GUF1: variants seen among roughly 807,000 people sequenced by gnomAD.
GUF1 encodes the protein translation factor GUF1, mitochondrial.
GUF1 carries 78 observed loss-of-function variants against 82.4 expected under a neutral mutation model. The ratio of observed to expected loss-of-function variants is 0.95; its 90% CI spans 0.79 to 1.14. The LOEUF is 1.14. Among genes scored for constraint, GUF1 ranks in the 50% most tolerant of loss-of-function variants. The pLI is 0.00. For synonymous variants in GUF1, 279 were observed against 282.3 expected, an observed-to-expected ratio of 0.99 and a Z score of 0.12; for missense variants, 814 against 798.2, an observed-to-expected ratio of 1.02 and a Z score of -0.24.
intron 13 of GUF1, among the ~76,000 whole-genome samples, chr4:44,693,506 A>G (rs1288471808): frequency 3.2e-5 from 3 of 93,004 alleles, no homozygotes; most frequent in African/African-American, 1.2e-4. Context: ...TGCTTCCTGA[A>G]GAAAGAAAGG....
chr4:44,693,007 G>A (rs1266939768), intron 13 of GUF1, among the ~76,000 whole-genome samples: 2 of 151,904 alleles, frequency 1.3e-5, no homozygotes, highest in African/African-American at 4.8e-5. Context: ...TTTAATGAGA[G>A]AACATGATTT....
chr4:44,690,984 T>C (rs1715402730), intron 12 of GUF1, 124 bp downstream of exon 12: 1 of 508,198 alleles, frequency 2.0e-6, no homozygotes, highest in African/African-American at 2.0e-5. Context: ...TTTTCATATA[T>C]ATATCTGTCT....
At chr4:44,687,901 A>AAGTTTGGAAAGTGTATGAT in intron 8 of GUF1, 106 bp from the exon 9 acceptor site, 1 of 948,416 alleles carries the variant, frequency 1.1e-6, no homozygotes, top group Non-Finnish European at 1.6e-6. Context: ...AGTGTATGGA[A>AAGTTTGGAAAGTGTATGAT]AGTTTGGAAA....
chr4:44,698,439 T>C (rs1314468940), intron 16 of GUF1, 105 bp from the exon 17 acceptor site: 7 of 812,164 alleles, frequency 8.6e-6, no homozygotes, highest in Non-Finnish European at 1.4e-5. Context: ...GCCTTATGGA[T>C]AATAATTTGG....
chr4:44,698,858 T>G lies in GUF1; in HGVS notation c.*177T>G. On this transcript the variant is annotated 3_prime_UTR_variant, in exon 17 of 17. Transcript: ENST00000281543. ...GCTTAGATTTTGAAGCCATGTTGCC[T>G]GTTCTCAAATATCTGTTCCAACCAC... 1 of 567,590 alleles carries G rather than the reference T, an allele frequency of 1.8e-6. No homozygotes were observed. The highest frequency in any genetic ancestry group is 2.2e-5 in the South Asian group (1 of 45,066). The allele number at this position is 567,590 out of a possible 1,614,324, so 35.2% of individuals were successfully genotyped here. A position where few individuals can be genotyped will look rare whatever the true frequency, so the allele number is the denominator to read the frequency against.
chr4:44,687,251 G>A lies in GUF1; in HGVS notation c.938+538G>A, dbSNP rs368844809. Among the ~76,000 whole-genome samples the A allele has an allele frequency of 1.3e-3, 194 of 151,954 alleles. 5 individuals carry two copies. The South Asian group carries it at 0.037, about 29-fold the overall frequency. On this transcript the variant is annotated intron_variant, in intron 8 of 16. Transcript: ENST00000281543. ...AGGTACTGATGAGGCATGACCTTGG[G>A]TACATAATTTGAGCTTTGTAAGGTC...
rs1715059542 is a variant in GUF1, at chr4:44,686,509, G to C, written c.735-1G>C. ...ATTTACTTTTTACTTATATTTACTA[G>C]TCCTAAAGTGCATCGCAAAAATCCT... On this transcript the variant is annotated splice_acceptor_variant, in intron 7 of 16. Coordinates refer to ENST00000281543, the MANE Select transcript of GUF1 (RefSeq NM_021927.3). LOFTEE classifies it high-confidence loss of function. The C allele has an allele frequency of 1.3e-6, 2 of 1,599,822 alleles. No individual in the cohort carries two copies. The highest frequency in any genetic ancestry group is 1.7e-6 in the Non-Finnish European group (2 of 1,168,196).
chr4:44,679,074 TATTTA>T (rs1329934358), intron 1 of GUF1, among the ~76,000 whole-genome samples: 7 of 152,244 alleles, frequency 4.6e-5, no homozygotes, highest in African/African-American at 1.4e-4. Context: ...TTTATTCATC[TATTTA>T]ATTCTAAAAA....
In GUF1 at chr4:44,678,667, C is replaced by G. The variant is rs772586241; in HGVS notation, c.45C>G (p.Leu15=). The G allele has an allele frequency of 7.4e-6, 11 of 1,490,930 alleles. No individual in the cohort carries two copies. Among genetic ancestry groups the G allele is most frequent in the Non-Finnish European group, 9.7e-6 (11 of 1,134,504 alleles). The allele number at this position is 1,490,930 out of a possible 1,614,324, so 92.4% of individuals were successfully genotyped here. ...VGRGWGCARA[L]APRATGAALL... is the part of the protein sequence containing the mutation. ...GGGGCTGGGGGTGCGCACGCGCTCT[C>G]GCGCCACGAGCCACTGGGGCCGCGC... Residue 15 remains leucine, a synonymous_variant, in exon 1 of 17, where the codon CTC becomes CTG. Coordinates refer to ENST00000281543, the MANE Select transcript of GUF1 (RefSeq NM_021927.3).
At chr4:44,697,362 C>T in intron 15 of GUF1, 46 bp from the exon 16 acceptor site, 1 of 1,196,652 alleles carries the variant, frequency 8.4e-7, no homozygotes, top group Non-Finnish European at 1.2e-6. Context: ...TGCTTTTAAA[C>T]AGTATAATGG....
In GUF1 at chr4:44,688,055, T is replaced by C; in HGVS notation, c.987T>C (p.Thr329=). 1.2e-6 allele frequency: 2 copies of C among 1,612,478 alleles called. No homozygotes were observed. The highest frequency in any genetic ancestry group is 1.3e-5 in the African/African-American group (1 of 74,922). ...TGATTGCTGGGATGAAAGATGTCAC[T>C]GAAGCGCAAATAGGAGATACATTAT... ...GYLIAGMKDV[T]EAQIGDTLCL... Residue 329 remains threonine, a synonymous_variant, in exon 9 of 17, where the codon ACT becomes ACC. Coordinates refer to ENST00000281543, the MANE Select transcript of GUF1 (RefSeq NM_021927.3).
intron 11 of GUF1, 90 bp from the exon 12 acceptor site, chr4:44,690,627 G>A: frequency 1.4e-6 from 1 of 703,650 alleles, no homozygotes; most frequent in African/African-American, 1.8e-5. Flanking sequence ...AATGATTACA[G>A]CTGGAGGGAT....
rs768463340 is a variant in GUF1 at position 44,686,713 on chromosome 4, TGTAA to T, written c.938+5_938+8del. Reference sequence around the variant, plus strand: ...CCTAATGAGCAGCCAACTCATAAATTGTAAGTAATCTGCATTAGTAAAATTAAAA... The same window carrying T: ...CCTAATGAGCAGCCAACTCATAAATTGTAATCTGCATTAGTAAAATTAAAA... On this transcript the variant is annotated splice_donor_variant and splice_donor_region_variant and intron_variant, in intron 8 of 16. Coordinates refer to ENST00000281543, the MANE Select transcript of GUF1 (RefSeq NM_021927.3). LOFTEE classifies it high-confidence loss of function. The T allele has an allele frequency of 6.3e-7, 1 of 1,587,286 alleles. No homozygotes were observed. Among genetic ancestry groups the T allele is most frequent in the African/African-American group, 1.3e-5 (1 of 74,206 alleles).
At position 44,678,530 on chromosome 4, in the gene GUF1, C is replaced by A; in HGVS notation, c.-93C>A. The A allele has an allele frequency of 9.6e-7, 1 of 1,037,164 alleles. No individual in the cohort carries two copies. The highest frequency in any genetic ancestry group is 1.3e-6 in the Non-Finnish European group (1 of 764,154). The allele number at this position is 1,037,164 out of a possible 1,614,324, so 64.2% of individuals were successfully genotyped here. A position where few individuals can be genotyped will look rare whatever the true frequency, so the allele number is the denominator to read the frequency against. On this transcript the variant is annotated 5_prime_UTR_variant, in exon 1 of 17. Transcript: ENST00000281543. ...TCACAGGATCTGTTTGAGTCCTGTC[C>A]ACCGGATCCTACGGGGGGTACCTTC...
intron 14 of GUF1, among the ~76,000 whole-genome samples, chr4:44,695,167 A>C (rs1715723757): frequency 1.3e-5 from 2 of 152,210 alleles, no homozygotes; most frequent in African/African-American, 4.8e-5. Context: ...AGATTGGTTA[A>C]AATGAATTAC....
intron 5 of GUF1, 86 bp from the exon 6 acceptor site, chr4:44,683,149 A>T (rs775787220): frequency 1.3e-6 from 1 of 774,068 alleles, no homozygotes; most frequent in Non-Finnish European, 2.0e-6. Context: ...TAAAGTGGGT[A>T]AGCTTTTAAT....
chr4:44,690,610 A>G, intron 11 of GUF1, 107 bp from the exon 12 acceptor site: 1 of 600,632 alleles, frequency 1.7e-6, no homozygotes, highest in South Asian at 2.8e-5. Context: ...ACTTGTTATT[A>G]ATATTAAATG....
At chr4:44,698,028 C>T (rs1298164640) in intron 16 of GUF1, among the ~76,000 whole-genome samples, 2 of 152,040 alleles carry the variant, frequency 1.3e-5, no homozygotes, top group Admixed American at 6.6e-5. Context: ...TGCCTGTGAT[C>T]TCAGTTACTC....
chr4:44,698,587 AAGC>A lies in GUF1; in HGVS notation c.1919_1921del (p.Ala640del). 1 of 1,608,448 alleles carries A rather than the reference AAGC, an allele frequency of 6.2e-7. No individual in the cohort carries two copies. Among genetic ancestry groups the A allele is most frequent in the South Asian group, 1.1e-5 (1 of 89,462 alleles). On this transcript the variant is annotated inframe_deletion, in exon 17 of 17. Coordinates refer to ENST00000281543, the MANE Select transcript of GUF1 (RefSeq NM_021927.3). The stretch of plus-strand genomic sequence containing the variant: ...CGAAAAATGAAGCTTTTGAAGAGAC[AAGC>A]AGAAGGGAAAAAAAAGCTGAGGAAA...
Sources: allele counts gnomAD v4.1 joint callset (sites outside exome capture counted in the v4.1 genomes callset), GRCh38; gene constraint gnomAD v4.1.1; transcripts MANE v1.5; gene names NCBI Gene and HGNC (gene_info 2026-07-23, HGNC 2026-07-21).